Variants in SAP130 observed in about 807,000 individuals in gnomAD.
The protein encoded by SAP130 is Sin3A associated protein 130.
SAP130 carries 16 observed loss-of-function variants against 103.2 expected under a neutral mutation model. The observed-to-expected ratio is 0.16, with a 90% CI of 0.10 to 0.24. The LOEUF is 0.24. SAP130 is among the 10% of genes least tolerant of loss of function. The probability of loss-of-function intolerance (pLI) is 1.00; values close to 1 mark genes in which losing one functional copy is unlikely to be tolerated. For missense variants in SAP130, 990 were observed against 1,359.7 expected, an observed-to-expected ratio of 0.73 and a Z score of 4.28; for synonymous variants, 477 against 497.0, an observed-to-expected ratio of 0.96 and a Z score of 0.53.
intron 1 of SAP130, chr2:128,027,279 G>A (rs972197254): frequency 4.3e-6 from 5 of 1,166,346 alleles, no homozygotes; most frequent in Non-Finnish European, 4.2e-6. Context: ...GGCCGCCGCT[G>A]TGCTCGCAGT....
intron 10 of SAP130, among the ~76,000 whole-genome samples, chr2:127,999,334 G>T (rs575119536): frequency 6.6e-6 from 1 of 152,138 alleles, no homozygotes; most frequent in African/African-American, 2.4e-5. Flanking sequence ...TATCTCAGCT[G>T]AGTGCGGTGG....
Position 127,989,897 on chromosome 2 carries a change from A to T in SAP130, c.1478-31T>A. The T allele has an allele frequency of 1.3e-6, 2 of 1,592,918 alleles. No homozygotes were observed. The highest frequency in any genetic ancestry group is 2.3e-5 in the South Asian group (2 of 87,960). ...AATGATGCGAAAGGTAACTATAAGA[A>T]GGTTAGCTTCATTTCACACAGTCCA... is the stretch of plus-strand genomic sequence containing the variant. On this transcript the variant is annotated intron_variant, in intron 12 of 20. Coordinates refer to ENST00000643581, the MANE Select transcript of SAP130 (RefSeq NM_001330301.2). The surrounding 1 kb of genome is among the most constrained non-coding windows in gnomAD (Gnocchi z 4.6).
At chr2:127,974,088 C>A (rs923227525) in intron 15 of SAP130, among the ~76,000 whole-genome samples, 4 of 152,106 alleles carry the variant, frequency 2.6e-5, no homozygotes, top group African/African-American at 9.7e-5. Context: ...TACCTCCATG[C>A]AGGTTCAAGC....
intron 2 of SAP130, among the ~76,000 whole-genome samples, chr2:128,025,298 T>C (rs1238650827): frequency 6.6e-6 from 1 of 152,216 alleles, no homozygotes; most frequent in Non-Finnish European, 1.5e-5. Flanking sequence ...ATGCCAATAG[T>C]ACTCTTTAGT....
rs112551397 is a variant in SAP130 at position 128,014,635 on chromosome 2, C to T, written c.619+168G>A. Among the ~76,000 whole-genome samples, 668 of 151,980 alleles carry T rather than the reference C, an allele frequency of 4.4e-3. 3 individuals are homozygous for T. The highest frequency in any genetic ancestry group is 0.014 in the Middle Eastern group (4 of 294). On this transcript the variant is annotated intron_variant, in intron 5 of 20. Coordinates refer to ENST00000643581, the MANE Select transcript of SAP130 (RefSeq NM_001330301.2). ...TATAGACATGAACCGCAGCACCTGG[C>T]CTTTTTTTCTTTTTAAATAAAAGAG...
At chr2:128,012,901 G>T in intron 6 of SAP130, 129 bp downstream of exon 6, 1 of 845,014 alleles carries the variant, frequency 1.2e-6, no homozygotes, top group Non-Finnish European at 1.7e-6. Flanking sequence ...ACATGACACT[G>T]TGCATCTTTC....
chr2:127,962,101 T>C (rs1327748844), intron 15 of SAP130, among the ~76,000 whole-genome samples: 8 of 152,218 alleles, frequency 5.3e-5, no homozygotes, highest in Admixed American at 5.2e-4. Flanking sequence ...TATTGCGAAG[T>C]TGCCTTTCCA....
chr2:127,973,886 C>A (rs1479003351), intron 15 of SAP130, among the ~76,000 whole-genome samples: 3 of 152,016 alleles, frequency 2.0e-5, no homozygotes, highest in African/African-American at 7.3e-5. Context: ...CCAGCCTGGG[C>A]AACATGGTGA....
intron 6 of SAP130, 128 bp from the exon 7 acceptor site, chr2:128,010,521 A>G: frequency 1.0e-6 from 1 of 955,764 alleles, no homozygotes. Flanking sequence ...ATAAATTCTC[A>G]CCATTCCAAT....
At chr2:127,997,335 A>G (rs1215187749) in intron 10 of SAP130, among the ~76,000 whole-genome samples, 3 of 152,238 alleles carry the variant, frequency 2.0e-5, no homozygotes, top group Non-Finnish European at 4.4e-5. Flanking sequence ...GCCATGATCT[A>G]TATCAGAAAT....
At chr2:127,992,532 G>C (rs2105032147) in intron 12 of SAP130, among the ~76,000 whole-genome samples, 1 of 150,556 alleles carries the variant, frequency 6.6e-6, no homozygotes, top group Non-Finnish European at 1.5e-5. Context: ...TGCCTGCCCT[G>C]CCTCAGCCTC....
In SAP130 at chr2:127,978,114, G is replaced by A. The variant is rs757118054; in HGVS notation, c.1959-25C>T. ...TCTGAAAGAGACAAGAGACAAACCC[G>A]GAGAACAGCAGTCCAAGGGCATTCA... On this transcript the variant is annotated intron_variant, in intron 14 of 20. Coordinates refer to ENST00000643581, the MANE Select transcript of SAP130 (RefSeq NM_001330301.2). 3.9e-6 allele frequency: 6 copies of A among 1,522,184 alleles called. No homozygotes were observed. In the African/African-American group the frequency reaches 4.1e-5, roughly 11 times the overall value. 94.3% of individuals were successfully genotyped at this position (1,522,184 alleles called of 1,614,324 possible). A position where few individuals can be genotyped will look rare whatever the true frequency, so the allele number is the denominator to read the frequency against.
In SAP130 at chr2:128,010,610, A is replaced by G. The variant is rs1340122017; in HGVS notation, c.745-217T>C. On this transcript the variant is annotated intron_variant, in intron 6 of 20. Transcript: ENST00000643581. The stretch of plus-strand genomic sequence containing the variant: ...ACGGTGGCTCACGCCTGTAATTCCC[A>G]GCACTTTGGGAGGCTGAGGTGGGCA... Among the ~76,000 whole-genome samples the G allele has an allele frequency of 4.6e-5, 7 of 152,298 alleles. No individual in the cohort carries two copies. In the East Asian group the frequency reaches 1.4e-3, roughly 29 times the overall value.
intron 1 of SAP130, chr2:128,027,158 G>C: frequency 1.5e-6 from 2 of 1,302,256 alleles, no homozygotes; most frequent in Non-Finnish European, 9.8e-7. Flanking sequence ...GCCGCGGAGG[G>C]CCCATCTCGG....
In SAP130 at chr2:127,942,460, T is replaced by C. The variant is rs765145099; in HGVS notation, c.2979A>G (p.Thr993=). ...EGIIPKKKAA[T]DDDLHRINEL... is the part of the protein sequence containing the mutation. ...CGTTTATTCGGTGGAGATCATCATC[T>C]GTTGCTGCTTTTTTCTTTGGGATAA... The change falls in exon 20 of 21, where the codon ACA becomes ACG. Residue 993 remains threonine, a synonymous_variant. Transcript: ENST00000643581. This position sits in a 1 kb window ranked among gnomAD's most constrained non-coding sequence, Gnocchi z 4.8. 6 of 1,613,754 alleles carry C rather than the reference T, an allele frequency of 3.7e-6. No homozygotes were observed. In the African/African-American group the frequency reaches 4.0e-5, roughly 11 times the overall value.
intron 2 of SAP130, among the ~76,000 whole-genome samples, chr2:128,023,810 T>C (rs1294446201): frequency 6.6e-6 from 1 of 151,994 alleles, no homozygotes; most frequent in Non-Finnish European, 1.5e-5. Context: ...CCCTATTGAA[T>C]TACTTAGGAA....
intron 5 of SAP130, among the ~76,000 whole-genome samples, chr2:128,013,886 T>C (rs1684574677): frequency 6.6e-6 from 1 of 152,174 alleles, no homozygotes; most frequent in Admixed American, 6.5e-5. Flanking sequence ...GGTAACCCAG[T>C]GAGGCCCCAT....
Position 127,955,624 on chromosome 2 carries a change from C to T in SAP130, c.2064-280G>A, listed in dbSNP as rs183411030. The stretch of plus-strand genomic sequence containing the variant: ...ACCTCATCCTCCCGAGTAGCTGAGA[C>T]TACAGGTGTGTGCCACCATGCCAGG... On this transcript the variant is annotated intron_variant, in intron 15 of 20. Transcript: ENST00000643581. The surrounding 1 kb of genome is among the most constrained non-coding windows in gnomAD (Gnocchi z 4.9). Among the ~76,000 whole-genome samples, 688 of 152,230 alleles carry T rather than the reference C, an allele frequency of 4.5e-3. 6 individuals carry two copies. The highest frequency in any genetic ancestry group is 0.016 in the African/African-American group (646 of 41,526).
intron 2 of SAP130, among the ~76,000 whole-genome samples, chr2:128,022,645 G>C (rs1685235777): frequency 6.6e-6 from 1 of 152,126 alleles, no homozygotes. Flanking sequence ...TGTAATTTCA[G>C]TCTTTCTACT....
Sources: allele counts gnomAD v4.1 joint callset (sites outside exome capture counted in the v4.1 genomes callset), GRCh38; gene constraint gnomAD v4.1.1; non-coding constraint Gnocchi (gnomAD v3.1); transcripts MANE v1.5; gene names NCBI Gene and HGNC (gene_info 2026-07-23, HGNC 2026-07-21).